Variants in MEGF10 observed in about 807,000 individuals in gnomAD.
MEGF10 encodes multiple epidermal growth factor-like domains protein 10.
In MEGF10, 86 loss-of-function variants were observed where a neutral mutation model predicts 147.5. That is an observed-to-expected ratio of 0.58 (90% CI 0.49 to 0.70). The LOEUF (loss-of-function observed/expected upper bound fraction) is 0.70, where lower values mean the gene tolerates loss of function less well. Among genes scored for constraint, MEGF10 ranks in the 30% least tolerant of loss-of-function variants. The pLI is 0.00. For synonymous variants in MEGF10, 478 were observed against 525.5 expected, an observed-to-expected ratio of 0.91 and a Z score of 1.24; for missense variants, 1,329 against 1,487.3, an observed-to-expected ratio of 0.89 and a Z score of 1.75.
chr5:127,264,376 A>C, the MEGF10 span, among the ~76,000 whole-genome samples: 1 of 152,140 alleles, frequency 6.6e-6, no homozygotes, highest in South Asian at 2.1e-4. Context: ...AATTCTATGT[A>C]CTTTTGATTG....
At chr5:127,395,263 C>T (rs1438122772) in intron 5 of MEGF10, among the ~76,000 whole-genome samples, 1 of 152,044 alleles carries the variant, frequency 6.6e-6, no homozygotes, top group Non-Finnish European at 1.5e-5. Context: ...CCCTGCTCCC[C>T]TTTTCTACTC....
At chr5:127,237,060 G>A in the MEGF10 span, among the ~76,000 whole-genome samples, 1 of 152,216 alleles carries the variant, frequency 6.6e-6, no homozygotes, top group Non-Finnish European at 1.5e-5. Flanking sequence ...AGAAATGTCT[G>A]CGTTTTCCTT....
chr5:127,357,200 G>T (rs1762306911), intron 4 of MEGF10, among the ~76,000 whole-genome samples: 3 of 152,156 alleles, frequency 2.0e-5, no homozygotes, highest in African/African-American at 7.2e-5. Flanking sequence ...CTATGGCATG[G>T]AGGAGATGCG....
At chr5:127,322,461 GCTAT>G (rs1379401433) in intron 1 of MEGF10, among the ~76,000 whole-genome samples, 5 of 152,128 alleles carry the variant, frequency 3.3e-5, no homozygotes, top group East Asian at 1.9e-4. Flanking sequence ...CTTCAATAAT[GCTAT>G]CTGTTATCCC....
chr5:127,415,676 G>T (rs866361476), intron 9 of MEGF10, among the ~76,000 whole-genome samples: 30 of 152,032 alleles, frequency 2.0e-4, no homozygotes, highest in African/African-American at 7.0e-4. Context: ...GGCTGAGACG[G>T]GCAGATCACT....
chr5:127,303,258 C>T (rs527726190), intron 1 of MEGF10, among the ~76,000 whole-genome samples: 43 of 150,590 alleles, frequency 2.9e-4, no homozygotes, highest in African/African-American at 1.1e-3. Flanking sequence ...ATCGCTTGAA[C>T]TCAGGAGGCA....
In MEGF10 at chr5:127,455,409, A is replaced by G. The variant is rs2127045499; in HGVS notation, c.3034A>G (p.Lys1012Glu). 6.2e-7 allele frequency: 1 copy of G among 1,613,830 alleles called. No individual in the cohort carries two copies. Among genetic ancestry groups the G allele is most frequent in the Middle Eastern group, 1.7e-4 (1 of 6,056 alleles). The change falls in exon 24 of 25, where the codon AAG (lysine) becomes GAG (glutamate). Residue 1012 changes from lysine to glutamate, a missense_variant. Transcript: ENST00000503335. Reference protein sequence around the residue: ...YMGKSLKDLGKNSEYNSSNCS... With the variant: ...YMGKSLKDLGENSEYNSSNCS... The stretch of plus-strand genomic sequence containing the variant: ...CTCATTTCTCTTCACAGACCTGGGA[A>G]AGAATTCTGAATATAATTCAAGTAA...
At position 127,290,854 on chromosome 5, in the gene MEGF10, G is replaced by A. The variant is rs1759219389; in HGVS notation, c.-221G>A. Reference sequence around the variant, plus strand: ...GTACTTTCCCGGTGCGCAAAACTGGGCGACTGGGAACGCGTTGAGACGTTC... The same window carrying A: ...GTACTTTCCCGGTGCGCAAAACTGGACGACTGGGAACGCGTTGAGACGTTC... On this transcript the variant is annotated 5_prime_UTR_variant, in exon 1 of 25. Coordinates refer to ENST00000503335, the MANE Select transcript of MEGF10 (RefSeq NM_001256545.2). The A allele has an allele frequency of 6.6e-6, 1 of 152,240 alleles. No individual in the cohort carries two copies. The highest frequency in any genetic ancestry group is 1.5e-5 in the Non-Finnish European group (1 of 68,084). The allele number at this position is 152,240 out of a possible 1,614,324, so 9.4% of individuals were successfully genotyped here. A position where few individuals can be genotyped will look rare whatever the true frequency, so the allele number is the denominator to read the frequency against.
chr5:127,368,497 G>A (rs1182099273), intron 4 of MEGF10, among the ~76,000 whole-genome samples: 3 of 152,074 alleles, frequency 2.0e-5, no homozygotes, highest in Admixed American at 6.6e-5. Flanking sequence ...ACTGTTCCTA[G>A]CGAATTCTCA....
intron 13 of MEGF10, chr5:127,424,667 CT>C (rs1472654868): frequency 1.3e-6 from 1 of 776,294 alleles, no homozygotes; most frequent in Non-Finnish European, 1.6e-6. Flanking sequence ...GTGCAATGGA[CT>C]TTATTTTCTA....
the MEGF10 span, among the ~76,000 whole-genome samples, chr5:127,282,675 T>C: frequency 6.6e-6 from 1 of 152,220 alleles, no homozygotes; most frequent in African/African-American, 2.4e-5. Context: ...TCTAATAGTT[T>C]CTTTTCCCAG....
At chr5:127,444,681 C>T (rs60998265) in intron 19 of MEGF10, 1 of 152,144 alleles carries the variant, frequency 6.6e-6, no homozygotes. Context: ...ATGTAATGCC[C>T]AATTTTGAAT....
chr5:127,435,403 G>T lies in MEGF10; in HGVS notation c.2018G>T (p.Cys673Phe). ...GRFGKNCAGI[C>F]TCTNNGTCNP... ...TTTGGGAAAAACTGTGCAGGAATTTGTACCTGCACCAACAACGGAACCTGT... is the reference window on the plus strand; with the variant it reads ...TTTGGGAAAAACTGTGCAGGAATTTTTACCTGCACCAACAACGGAACCTGT... The change falls in exon 16 of 25, where the codon TGT becomes TTT. Residue 673 changes from cysteine to phenylalanine, a missense_variant. Around this residue, in one of 3 missense-constraint regions of MEGF10, gnomAD observed 980 missense variants for 1,085.9 expected, o/e 0.90. Transcript: ENST00000503335. The T allele has an allele frequency of 6.2e-7, 1 of 1,614,080 alleles. No individual in the cohort carries two copies. The highest frequency in any genetic ancestry group is 8.5e-7 in the Non-Finnish European group (1 of 1,179,970).
intron 5 of MEGF10, among the ~76,000 whole-genome samples, chr5:127,389,701 A>G (rs931978688): frequency 1.3e-5 from 2 of 152,210 alleles, no homozygotes; most frequent in Non-Finnish European, 2.9e-5. Flanking sequence ...GTTCTCATTT[A>G]TAAGTGGGAG....
intron 3 of MEGF10, among the ~76,000 whole-genome samples, chr5:127,339,731 A>G (rs929396398): frequency 6.6e-6 from 1 of 152,198 alleles, no homozygotes; most frequent in African/African-American, 2.4e-5. Context: ...TTGGTAGTAT[A>G]CTAACATTTA....
At chr5:127,232,197 A>G in the MEGF10 span, among the ~76,000 whole-genome samples, 1 of 152,252 alleles carries the variant, frequency 6.6e-6, no homozygotes, top group Non-Finnish European at 1.5e-5. Flanking sequence ...TCAAAAAGGA[A>G]ATAATCAAAG....
intron 2 of MEGF10, among the ~76,000 whole-genome samples, chr5:127,337,520 A>T (rs1761514623): frequency 6.6e-6 from 1 of 152,134 alleles, no homozygotes; most frequent in African/African-American, 2.4e-5. Context: ...AAGAAAATAC[A>T]GATAGCTTAA....
At chr5:127,309,291 C>T (rs1760155564) in intron 1 of MEGF10, among the ~76,000 whole-genome samples, 1 of 152,204 alleles carries the variant, frequency 6.6e-6, no homozygotes, top group South Asian at 2.1e-4. Context: ...GTAAAATGCA[C>T]ATAACATACC....
intron 5 of MEGF10, among the ~76,000 whole-genome samples, chr5:127,380,600 C>A (rs1418472529): frequency 2.0e-5 from 3 of 151,920 alleles, no homozygotes; most frequent in Non-Finnish European, 2.9e-5. Flanking sequence ...TCACTGCAAC[C>A]CCCGCCTCCT....
Sources: gnomAD v4.1 joint callset for allele counts (sites outside exome capture counted in the v4.1 genomes callset) on GRCh38, gnomAD v4.1.1 for gene constraint, gnomAD v4.1.1 regional missense constraint, MANE v1.5 for transcripts, NCBI Gene and HGNC (gene_info 2026-07-23, HGNC 2026-07-21) for gene names.